Variants in PRPF40B observed in about 807,000 individuals in gnomAD.
The protein encoded by PRPF40B is pre-mRNA processing factor 40B.
A neutral mutation model predicts 124.5 loss-of-function variants in PRPF40B; 56 were observed. The ratio of observed to expected loss-of-function variants is 0.45; its 90% confidence interval spans 0.36 to 0.56. PRPF40B has a LOEUF of 0.56. PRPF40B is among the 20% of genes least tolerant of loss of function. The pLI, the probability that PRPF40B is intolerant of heterozygous loss-of-function variation, is 0.00. For missense variants in PRPF40B, 1,053 were observed against 1,169.5 expected (o/e 0.90, Z 1.45); for synonymous variants, 443 against 426.4 (o/e 1.04, Z -0.48).
At chr12:49,632,077 C>A in intron 4 of PRPF40B, 152 bp downstream of exon 4, 1 of 745,454 alleles carries the variant, frequency 1.3e-6, no homozygotes, top group Non-Finnish European at 2.4e-6. Flanking sequence ...TCCTTCTCGC[C>A]AGCCATGTAC....
intron 1 of PRPF40B, chr12:49,624,028 G>A (rs1940465090): frequency 2.0e-6 from 2 of 998,594 alleles, no homozygotes; most frequent in African/African-American, 1.7e-5. Flanking sequence ...GGAAGCCTGG[G>A]TGCTCCTCAG....
rs1239542103 is a variant in PRPF40B, at chr12:49,635,773, C to G, written c.1276-70C>G. On this transcript the variant is annotated intron_variant, in intron 14 of 25. Transcript: ENST00000548825. The surrounding 1 kb of genome is among the most constrained non-coding windows in gnomAD (Gnocchi z 4.1). The stretch of plus-strand genomic sequence containing the variant: ...GTTCCCTAGCTACCTTTCCCCAGGT[C>G]CTCCTCTGCCCAGGCCTACTTGGGT... 8.9e-6 allele frequency: 14 copies of G among 1,572,970 alleles called. No homozygotes were observed. Among genetic ancestry groups the G allele is most frequent in the Middle Eastern group, 2.1e-4 (1 of 4,778 alleles).
At chr12:49,623,445 C>A, upstream of PRPF40B, 2 of 883,732 alleles carry the variant, frequency 2.3e-6, no homozygotes, top group Non-Finnish European at 2.9e-6. Context: ...GTTGGGGCCC[C>A]GCTCGCCGGC....
chr12:49,643,503 C>T (rs1942943460), intron 23 of PRPF40B, 106 bp downstream of exon 23: 1 of 1,447,030 alleles, frequency 6.9e-7, no homozygotes, highest in Admixed American at 2.4e-5. Context: ...ATTGGGAGGG[C>T]TGCACCTGTG....
At chr12:49,628,017 G>A (rs567928181) in intron 1 of PRPF40B, among the ~76,000 whole-genome samples, 1 of 152,230 alleles carries the variant, frequency 6.6e-6, no homozygotes, top group East Asian at 1.9e-4. Context: ...AGCCTGGTAG[G>A]ACCCAAAGAT....
At chr12:49,626,240 G>A (rs1940702466) in intron 1 of PRPF40B, among the ~76,000 whole-genome samples, 1 of 152,204 alleles carries the variant, frequency 6.6e-6, no homozygotes, top group African/African-American at 2.4e-5. Flanking sequence ...AATCTAATAA[G>A]GTTAGAGATG....
At chr12:49,636,670 G>T in intron 15 of PRPF40B, 46 bp from the exon 16 acceptor site, 2 of 1,610,664 alleles carry the variant, frequency 1.2e-6, no homozygotes, top group Non-Finnish European at 1.7e-6. Context: ...GTCTGAGAGG[G>T]TATCCTGCTG....
intron 1 of PRPF40B, among the ~76,000 whole-genome samples, chr12:49,629,666 A>C (rs1249694650): frequency 6.6e-6 from 1 of 152,248 alleles, no homozygotes; most frequent in Non-Finnish European, 1.5e-5. Flanking sequence ...TATCCAGGCA[A>C]ACATAATAAT....
chr12:49,634,836 A>G (rs1397231476), intron 12 of PRPF40B: 5 of 638,336 alleles, frequency 7.8e-6, no homozygotes, highest in Non-Finnish European at 1.1e-5. Flanking sequence ...ACGGAATTGA[A>G]TTAATTGGGG....
Position 49,630,616 on chromosome 12 carries a change from AC to A in PRPF40B, c.77del (p.Pro26HisfsTer21). 7.7e-7 allele frequency: 1 copy of A among 1,307,182 alleles called. No individual in the cohort carries two copies. The allele number at this position is 1,307,182 out of a possible 1,614,324, so 81.0% of individuals were successfully genotyped here. A position where few individuals can be genotyped will look rare whatever the true frequency, so the allele number is the denominator to read the frequency against. The stretch of plus-strand genomic sequence containing the variant: ...TCCCACCGGGGCCCCCCATGATGCC[AC>A]CACCCTTCGTAAGTTTTATGTCTTT... ...PFPPGPPMMPPPFMPPPGIPP... is the reference protein window; with the variant it reads ...PFPPGPPMMPXPFMPPPGIPP... On this transcript the variant is annotated frameshift_variant, in exon 2 of 26. Coordinates refer to ENST00000548825, the MANE Select transcript of PRPF40B (RefSeq NM_001031698.3). LOFTEE classifies it high-confidence loss of function.
At chr12:49,628,192 G>A (rs1940896446) in intron 1 of PRPF40B, among the ~76,000 whole-genome samples, 1 of 152,214 alleles carries the variant, frequency 6.6e-6, no homozygotes, top group African/African-American at 2.4e-5. Context: ...GAAAAGATGA[G>A]TCACATTGGA....
chr12:49,626,311 A>G (rs1940708297), intron 1 of PRPF40B, among the ~76,000 whole-genome samples: 1 of 152,246 alleles, frequency 6.6e-6, no homozygotes, highest in Non-Finnish European at 1.5e-5. Context: ...TGGGGGAGGT[A>G]TAAAAGGAGA....
At position 49,631,951 on chromosome 12, in the gene PRPF40B, C is replaced by T; in HGVS notation, c.294+26C>T. ...GTAAGCACTAGGGGCCAGCAGGTAG[C>T]AGGCTCTGCCCTGCAGTCCCGTGAG... is the stretch of plus-strand genomic sequence containing the variant. On this transcript the variant is annotated intron_variant, in intron 4 of 25. Coordinates refer to ENST00000548825, the MANE Select transcript of PRPF40B (RefSeq NM_001031698.3). This position sits in a 1 kb window ranked among gnomAD's most constrained non-coding sequence, Gnocchi z 4.3. 1 of 1,608,346 alleles carries T rather than the reference C, an allele frequency of 6.2e-7. No individual in the cohort carries two copies. Among genetic ancestry groups the T allele is most frequent in the Non-Finnish European group, 8.5e-7 (1 of 1,174,852 alleles).
chr12:49,631,271 C>T lies in PRPF40B; in HGVS notation c.85-130C>T. The T allele has an allele frequency of 3.3e-6, 2 of 601,594 alleles. No homozygotes were observed. Among genetic ancestry groups the T allele is most frequent in the Non-Finnish European group, 5.6e-6 (2 of 355,258 alleles). 37.3% of individuals were successfully genotyped at this position (601,594 alleles called of 1,614,324 possible). ...ATGCCTTGTGCTTCTCAAACTAAAG[C>T]CTTGGAATTGCCTCAGAGCAGGGTG... On this transcript the variant is annotated intron_variant, in intron 2 of 25. Coordinates refer to ENST00000548825, the MANE Select transcript of PRPF40B (RefSeq NM_001031698.3). The surrounding 1 kb of genome is among the most constrained non-coding windows in gnomAD (Gnocchi z 4.3).
intron 1 of PRPF40B, among the ~76,000 whole-genome samples, chr12:49,630,334 A>C (rs895317193): frequency 6.6e-6 from 1 of 152,226 alleles, no homozygotes; most frequent in Non-Finnish European, 1.5e-5. Context: ...GGGCTCAGCC[A>C]GCTGGCTCTG....
At position 49,642,702 on chromosome 12, in the gene PRPF40B, G is replaced by GC; in HGVS notation, c.2118+29dup. The GC allele has an allele frequency of 1.2e-6, 2 of 1,606,622 alleles. No homozygotes were observed. The highest frequency in any genetic ancestry group is 1.7e-6 in the Non-Finnish European group (2 of 1,176,148). On this transcript the variant is annotated intron_variant, in intron 21 of 25. Coordinates refer to ENST00000548825, the MANE Select transcript of PRPF40B (RefSeq NM_001031698.3). This position sits in a 1 kb window ranked among gnomAD's most constrained non-coding sequence, Gnocchi z 5.8. ...TGAGGCAGGCTTGTCCTCTGGATCT[G>GC]CCTCAGGCCCTTGAACTCATTAGAC...
At chr12:49,641,439 A>G (rs1942634240) in intron 18 of PRPF40B, 1 of 156,304 alleles carries the variant, frequency 6.4e-6, no homozygotes, top group African/African-American at 2.4e-5. Context: ...ACTAGGACCT[A>G]TTCTTAAATG....
chr12:49,631,817 C>A lies in PRPF40B; in HGVS notation c.229-43C>A. 1 of 1,578,260 alleles carries A rather than the reference C, an allele frequency of 6.3e-7. No homozygotes were observed. The highest frequency in any genetic ancestry group is 8.7e-7 in the Non-Finnish European group (1 of 1,148,150). The stretch of plus-strand genomic sequence containing the variant: ...AGGTACCCTGTCCCTCCTGTTCCAG[C>A]CCTTACCTTGGTGGTTGGTTTCTGT... On this transcript the variant is annotated intron_variant, in intron 3 of 25. Coordinates refer to ENST00000548825, the MANE Select transcript of PRPF40B (RefSeq NM_001031698.3). This position sits in a 1 kb window ranked among gnomAD's most constrained non-coding sequence, Gnocchi z 4.3.
rs1255338315 is a variant in PRPF40B, at chr12:49,636,969, A to G, written c.1560+120A>G. On this transcript the variant is annotated intron_variant, in intron 16 of 25. Coordinates refer to ENST00000548825, the MANE Select transcript of PRPF40B (RefSeq NM_001031698.3). ...TTCTTTCTGTGCCTAGCCCTGTCCA[A>G]GCTCTATGAGACCTCTCTCTGCCTG... 1.4e-5 allele frequency: 20 copies of G among 1,430,050 alleles called. No homozygotes were observed. The East Asian group carries it at 2.1e-4, about 15-fold the overall frequency. The allele number at this position is 1,430,050 out of a possible 1,614,324, so 88.6% of individuals were successfully genotyped here.
Sources: gnomAD v4.1 joint callset for allele counts (sites outside exome capture counted in the v4.1 genomes callset) on GRCh38, gnomAD v4.1.1 for gene constraint, Gnocchi (gnomAD v3.1) non-coding constraint, MANE v1.5 for transcripts, NCBI Gene and HGNC (gene_info 2026-07-23, HGNC 2026-07-21) for gene names.